Variants in TMEM132C observed in about 807,000 individuals in gnomAD.
TMEM132C encodes protein phosphatase 1, regulatory subunit 152.
TMEM132C carries 29 observed loss-of-function variants against 61.4 expected under a neutral mutation model. The ratio of observed to expected loss-of-function variants is 0.47; its 90% CI spans 0.35 to 0.64. The LOEUF (loss-of-function observed/expected upper bound fraction) is 0.64. Ranked by LOEUF, TMEM132C falls within the 30% of genes least tolerant of loss-of-function variation. The probability of loss-of-function intolerance (pLI) is 0.00; values close to 1 mark genes in which losing one functional copy is unlikely to be tolerated. For synonymous variants in TMEM132C, 656 were observed against 633.1 expected, an observed-to-expected ratio of 1.04 and a Z score of -0.54; for missense variants, 1,408 against 1,476.9, an observed-to-expected ratio of 0.95 and a Z score of 0.76.
chr12:128,665,478 C>T (rs1954451020), intron 4 of TMEM132C, among the ~76,000 whole-genome samples: 1 of 150,894 alleles, frequency 6.6e-6, no homozygotes, highest in Admixed American at 6.6e-5. Flanking sequence ...AACATAGGCG[C>T]ACACACACAC....
At chr12:128,469,131 G>A (rs959086923) in intron 2 of TMEM132C, among the ~76,000 whole-genome samples, 1 of 152,094 alleles carries the variant, frequency 6.6e-6, no homozygotes, top group Non-Finnish European at 1.5e-5. Context: ...ATGAGGAAAT[G>A]GAAACATTTC....
chr12:128,366,808 G>A (rs1319426884), intron 1 of TMEM132C, among the ~76,000 whole-genome samples: 1 of 152,192 alleles, frequency 6.6e-6, no homozygotes, highest in African/African-American at 2.4e-5. Flanking sequence ...CTTATGTGCT[G>A]CGTGCAGAGT....
rs574842923 is a variant in TMEM132C, at chr12:128,612,170, AGTCTG to A, written c.1122-3976_1122-3972del. Among the ~76,000 whole-genome samples, 12 of 152,332 alleles carry A rather than the reference AGTCTG, an allele frequency of 7.9e-5. No homozygotes were observed. The South Asian group carries it at 2.3e-3, about 29-fold the overall frequency. On this transcript the variant is annotated intron_variant, in intron 3 of 8. Transcript: ENST00000435159. ...CGGGGGCTCATTTCTCTGTCGGGTCAGTCTGGTCTGACCTTTGCTCTATCACACAC... is the reference window on the plus strand; with the variant it reads ...CGGGGGCTCATTTCTCTGTCGGGTCAGTCTGACCTTTGCTCTATCACACAC...
chr12:128,509,206 C>T (rs1370074161), intron 2 of TMEM132C, among the ~76,000 whole-genome samples: 1 of 152,200 alleles, frequency 6.6e-6, no homozygotes, highest in Non-Finnish European at 1.5e-5. Flanking sequence ...GAGGATGTAC[C>T]TGGGAAAAGG....
At chr12:128,643,298 G>C (rs536827299) in intron 4 of TMEM132C, among the ~76,000 whole-genome samples, 1 of 152,304 alleles carries the variant, frequency 6.6e-6, no homozygotes, top group Middle Eastern at 3.4e-3. Flanking sequence ...CAAAAGGTTT[G>C]AATTAATCCA....
chr12:128,623,355 A>G (rs1222145541), intron 4 of TMEM132C, among the ~76,000 whole-genome samples: 4 of 152,094 alleles, frequency 2.6e-5, no homozygotes, highest in Non-Finnish European at 4.4e-5. Context: ...TGGCACATGC[A>G]TGCATATGTA....
intron 1 of TMEM132C, among the ~76,000 whole-genome samples, chr12:128,321,628 A>T (rs992668194): frequency 6.6e-6 from 1 of 152,236 alleles, no homozygotes; most frequent in East Asian, 1.9e-4. Flanking sequence ...ACACAACCAC[A>T]TGTACATGTG....
At chr12:128,640,396 G>A (rs987044770) in intron 4 of TMEM132C, among the ~76,000 whole-genome samples, 2 of 152,156 alleles carry the variant, frequency 1.3e-5, no homozygotes, top group African/African-American at 4.8e-5. Flanking sequence ...CATGCTGTAT[G>A]ATTCCATTTA....
At chr12:128,435,504 T>A (rs1869553386) in intron 2 of TMEM132C, among the ~76,000 whole-genome samples, 1 of 152,104 alleles carries the variant, frequency 6.6e-6, no homozygotes, top group South Asian at 2.1e-4. Flanking sequence ...TATACACCAA[T>A]AACAGACAAA....
chr12:128,522,199 C>A (rs1872928489), intron 2 of TMEM132C, among the ~76,000 whole-genome samples: 1 of 152,214 alleles, frequency 6.6e-6, no homozygotes, highest in African/African-American at 2.4e-5. Flanking sequence ...CTTGTAACAT[C>A]TTGTCATAAC....
chr12:128,389,303 A>G (rs1874690509), intron 1 of TMEM132C, among the ~76,000 whole-genome samples: 1 of 152,158 alleles, frequency 6.6e-6, no homozygotes, highest in African/African-American at 2.4e-5. Context: ...ACAGCAAAAA[A>G]CAAAGATCAT....
At chr12:128,336,370 C>G (rs1194334259) in intron 1 of TMEM132C, among the ~76,000 whole-genome samples, 1 of 152,120 alleles carries the variant, frequency 6.6e-6, no homozygotes, top group Non-Finnish European at 1.5e-5. Flanking sequence ...AATCTGTACT[C>G]TGGGAGGGGT....
intron 1 of TMEM132C, among the ~76,000 whole-genome samples, chr12:128,390,137 C>T (rs1279294304): frequency 6.6e-6 from 1 of 152,160 alleles, no homozygotes; most frequent in Admixed American, 6.5e-5. Context: ...TCCCAAAGCG[C>T]TGGGATTACA....
chr12:128,617,141 G>A (rs538867362), intron 4 of TMEM132C, among the ~76,000 whole-genome samples: 1 of 152,182 alleles, frequency 6.6e-6, no homozygotes, highest in African/African-American at 2.4e-5. Context: ...AGGAGGTCTG[G>A]GTTGGGTACT....
intron 1 of TMEM132C, among the ~76,000 whole-genome samples, chr12:128,344,372 A>G (rs939098764): frequency 5.3e-5 from 8 of 152,162 alleles, no homozygotes; most frequent in Admixed American, 2.6e-4. Flanking sequence ...GTTAGCCAGG[A>G]TAGTCTCCAT....
At chr12:128,512,168 A>G (rs1325278949) in intron 2 of TMEM132C, among the ~76,000 whole-genome samples, 2 of 152,116 alleles carry the variant, frequency 1.3e-5, no homozygotes, top group African/African-American at 2.4e-5. Context: ...AATTAAAAAG[A>G]TAGACAAAGA....
intron 1 of TMEM132C, among the ~76,000 whole-genome samples, chr12:128,294,515 G>A (rs1871342025): frequency 1.3e-5 from 2 of 152,210 alleles, no homozygotes; most frequent in Non-Finnish European, 2.9e-5. Flanking sequence ...GATATTTTAT[G>A]ATTGGCACCT....
chr12:128,584,963 C>T (rs781128033), intron 3 of TMEM132C, among the ~76,000 whole-genome samples: 35 of 152,206 alleles, frequency 2.3e-4, no homozygotes, highest in Non-Finnish European at 3.8e-4. Flanking sequence ...AGCATCATGT[C>T]TGCCAATTGT....
chr12:128,443,128 C>CAT (rs947827607), intron 2 of TMEM132C, among the ~76,000 whole-genome samples: 32 of 150,758 alleles, frequency 2.1e-4, no homozygotes, highest in South Asian at 6.3e-4. Context: ...TATACGTATA[C>CAT]ATATATATAT....
Sources: gnomAD v4.1 joint callset for allele counts (sites outside exome capture counted in the v4.1 genomes callset) on GRCh38, gnomAD v4.1.1 for gene constraint, MANE v1.5 for transcripts, NCBI Gene and HGNC (gene_info 2026-07-23, HGNC 2026-07-21) for gene names.